MYCT1: variants seen among roughly 807,000 people sequenced by gnomAD.
MYCT1 encodes the protein MYC target 1, also known as myc target protein 1.
MYCT1 carries 12 observed loss-of-function variants against 15.0 expected under a neutral mutation model. The observed-to-expected ratio is 0.80, with a 90% confidence interval of 0.51 to 1.29. MYCT1 has a LOEUF of 1.29. Ranked by LOEUF, MYCT1 falls within the 50% of genes most tolerant of loss-of-function variation. The pLI is 0.00. For missense variants in MYCT1, 287 were observed against 279.1 expected (o/e 1.03, Z -0.20); for synonymous variants, 104 against 102.7 (o/e 1.01, Z -0.07).
At chr6:152,739,978 C>CAAAAAT in the MYCT1 span, among the ~76,000 whole-genome samples, 1 of 151,708 alleles carries the variant, frequency 6.6e-6, no homozygotes, top group Admixed American at 6.6e-5. Flanking sequence ...GAGTAAGAAG[C>CAAAAAT]AAAAATAAAA....
At chr6:152,719,265 A>G (rs1306952660) in intron 1 of MYCT1, among the ~76,000 whole-genome samples, 1 of 152,248 alleles carries the variant, frequency 6.6e-6, no homozygotes. Flanking sequence ...ATTTCTGTTC[A>G]TAACAGGCTG....
rs748129332 is a variant in MYCT1, at chr6:152,722,281, T to TTCTTG, written c.*38_*42dup. 1.3e-6 allele frequency: 2 copies of TTCTTG among 1,567,268 alleles called. No homozygotes were observed. The highest frequency in any genetic ancestry group is 2.0e-5 in the Admixed American group (1 of 50,532). On this transcript the variant is annotated 3_prime_UTR_variant, in exon 2 of 2. Coordinates refer to ENST00000367245, the MANE Select transcript of MYCT1 (RefSeq NM_025107.3). ...AGGGTGGCTTTTGGTTTTTGTTTCT[T>TTCTTG]TCTTGTCTTGTCTTTTATTGAAAGG...
chr6:152,718,298 TACATC>T (rs1309823365), intron 1 of MYCT1, among the ~76,000 whole-genome samples: 1 of 152,236 alleles, frequency 6.6e-6, no homozygotes, highest in African/African-American at 2.4e-5. Flanking sequence ...CTAGTTTTCT[TACATC>T]AGAACAATAA....
chr6:152,725,786 T>C (rs1041017579), downstream of MYCT1, among the ~76,000 whole-genome samples: 1 of 152,132 alleles, frequency 6.6e-6, no homozygotes, highest in Admixed American at 6.5e-5. Context: ...CGGTTTTCTC[T>C]GAGAAAAGTG....
chr6:152,734,673 T>A, the MYCT1 span, among the ~76,000 whole-genome samples: 1 of 152,216 alleles, frequency 6.6e-6, no homozygotes, highest in Non-Finnish European at 1.5e-5. Context: ...GACATTTTTT[T>A]TTTTAGGAAA....
At chr6:152,729,616 G>A in the MYCT1 span, among the ~76,000 whole-genome samples, 4 of 152,180 alleles carry the variant, frequency 2.6e-5, no homozygotes, top group African/African-American at 9.7e-5. Context: ...ACATTTCGTG[G>A]TAGGATGAAA....
chr6:152,701,824 T>C (rs778234223), intron 1 of MYCT1, among the ~76,000 whole-genome samples: 10 of 152,210 alleles, frequency 6.6e-5, no homozygotes, highest in Non-Finnish European at 1.3e-4. Flanking sequence ...TGGCCCTTAT[T>C]CGGGTACTTC....
the MYCT1 span, among the ~76,000 whole-genome samples, chr6:152,733,573 C>T: frequency 6.6e-6 from 1 of 152,326 alleles, no homozygotes; most frequent in South Asian, 2.1e-4. Context: ...TATATAAAGA[C>T]AATCCCTGTG....
the MYCT1 span, among the ~76,000 whole-genome samples, chr6:152,734,005 A>G: frequency 6.6e-6 from 1 of 152,006 alleles, no homozygotes; most frequent in South Asian, 2.1e-4. Context: ...CTTGCCTCTT[A>G]AAGTCTACTG....
At chr6:152,719,969 C>T (rs1342033708) in intron 1 of MYCT1, among the ~76,000 whole-genome samples, 3 of 152,138 alleles carry the variant, frequency 2.0e-5, no homozygotes, top group Non-Finnish European at 4.4e-5. Context: ...AATCCACCCC[C>T]AAACATAGTA....
At chr6:152,734,885 C>T in the MYCT1 span, among the ~76,000 whole-genome samples, 1 of 152,060 alleles carries the variant, frequency 6.6e-6, no homozygotes, top group Non-Finnish European at 1.5e-5. Flanking sequence ...GTTTTTGAGT[C>T]ATCTTGACAT....
At chr6:152,718,386 C>T (rs149863240) in intron 1 of MYCT1, among the ~76,000 whole-genome samples, 106 of 151,978 alleles carry the variant, frequency 7.0e-4, no homozygotes, top group African/African-American at 2.4e-3. Flanking sequence ...GTTGTTTTTG[C>T]TAATATACTC....
intron 1 of MYCT1, among the ~76,000 whole-genome samples, chr6:152,707,200 G>A (rs768218710): frequency 6.6e-6 from 1 of 151,862 alleles, no homozygotes; most frequent in Non-Finnish European, 1.5e-5. Context: ...AGGCATTTTG[G>A]CATGTGTGAG....
At chr6:152,731,729 G>C in the MYCT1 span, among the ~76,000 whole-genome samples, 1 of 150,016 alleles carries the variant, frequency 6.7e-6, no homozygotes, top group Admixed American at 6.8e-5. Flanking sequence ...AGCATCACGA[G>C]TAAGCATCAG....
rs1583966150 is a variant in MYCT1 at position 152,706,028 on chromosome 6, A to G, written c.196+7930A>G. ...CTGGTGTGGCCTCTCCATTAACTAC[A>G]GCAGAAATTGTAGTCACAAAAATTC... On this transcript the variant is annotated intron_variant, in intron 1 of 1. Transcript: ENST00000367245. 13 of 1,024,336 alleles carry G rather than the reference A, an allele frequency of 1.3e-5. No individual in the cohort carries two copies. In the East Asian group the frequency reaches 2.9e-4, roughly 23 times the overall value. 63.5% of individuals were successfully genotyped at this position (1,024,336 alleles called of 1,614,324 possible).
chr6:152,713,585 C>T (rs2099723110), intron 1 of MYCT1, among the ~76,000 whole-genome samples: 2 of 152,110 alleles, frequency 1.3e-5, no homozygotes, highest in African/African-American at 4.8e-5. Flanking sequence ...CTACAGAAAC[C>T]TATAAAGCCT....
intron 1 of MYCT1, among the ~76,000 whole-genome samples, chr6:152,716,469 C>A (rs2099723709): frequency 1.3e-5 from 2 of 152,124 alleles, no homozygotes; most frequent in Admixed American, 6.6e-5. Context: ...ACTGATAAAT[C>A]ACTTTCAGAG....
Position 152,723,474 on chromosome 6 carries a change from T to C in MYCT1, c.*1221T>C, listed in dbSNP as rs2099725072. 6.6e-6 allele frequency: 1 copy of C among 152,224 alleles called. No individual in the cohort carries two copies. The highest frequency in any genetic ancestry group is 6.5e-5 in the Admixed American group (1 of 15,276). 9.4% of individuals were successfully genotyped at this position (152,224 alleles called of 1,614,324 possible). A position where few individuals can be genotyped will look rare whatever the true frequency, so the allele number is the denominator to read the frequency against. On this transcript the variant is annotated 3_prime_UTR_variant, in exon 2 of 2. Transcript: ENST00000367245. ...TTGTAACTTTGCAGACAAATAAGTA[T>C]GAGTCACTGGGGAGAGAGTTTGTTA...
downstream of MYCT1, among the ~76,000 whole-genome samples, chr6:152,725,065 T>C (rs2099725402): frequency 6.6e-6 from 1 of 151,952 alleles, no homozygotes; most frequent in African/African-American, 2.4e-5. Flanking sequence ...GGGTACTTTT[T>C]AAGAGCCAAA....
Sources: gnomAD v4.1 joint callset for allele counts (sites outside exome capture counted in the v4.1 genomes callset) on GRCh38, gnomAD v4.1.1 for gene constraint, MANE v1.5 for transcripts, NCBI Gene and HGNC (gene_info 2026-07-23, HGNC 2026-07-21) for gene names.